WDFY2: variants seen among roughly 807,000 people sequenced by gnomAD.
WDFY2 encodes the protein WD repeat and FYVE domain containing 2.
A neutral mutation model predicts 56.4 loss-of-function variants in WDFY2; 36 were observed. That is an observed-to-expected ratio of 0.64 (90% CI 0.49 to 0.84). The LOEUF (loss-of-function observed/expected upper bound fraction) is 0.84, where lower values mean the gene tolerates loss of function less well. Among genes scored for constraint, WDFY2 ranks in the 40% least tolerant of loss-of-function variants. The probability of loss-of-function intolerance (pLI) is 0.00; values close to 1 mark genes in which losing one functional copy is unlikely to be tolerated. For synonymous variants in WDFY2, 176 were observed against 183.7 expected (o/e 0.96, Z 0.34); for missense variants, 444 against 512.2 (o/e 0.87, Z 1.29).
intron 1 of WDFY2, among the ~76,000 whole-genome samples, chr13:51,639,695 G>T (rs1450070920): frequency 6.6e-6 from 1 of 152,060 alleles, no homozygotes; most frequent in African/African-American, 2.4e-5. Context: ...ATGGATATTC[G>T]AAATAATGTA....
intron 3 of WDFY2, among the ~76,000 whole-genome samples, chr13:51,675,754 A>T (rs966237176): frequency 9.2e-5 from 14 of 152,190 alleles, no homozygotes; most frequent in Non-Finnish European, 5.9e-5. Context: ...ATTTGTGAAA[A>T]AAAGCACAGA....
chr13:51,749,591 C>T (rs1219828855), intron 7 of WDFY2, among the ~76,000 whole-genome samples: 1 of 152,092 alleles, frequency 6.6e-6, no homozygotes, highest in Admixed American at 6.6e-5. Flanking sequence ...TCCATAGTGA[C>T]ATAAGGCACT....
At chr13:51,659,433 T>C (rs556769312) in intron 1 of WDFY2, among the ~76,000 whole-genome samples, 1 of 152,304 alleles carries the variant, frequency 6.6e-6, no homozygotes, top group South Asian at 2.1e-4. Flanking sequence ...TGGCCTATGA[T>C]CCCCTGGCAG....
chr13:51,602,344 C>T (rs1396436455), intron 1 of WDFY2, among the ~76,000 whole-genome samples: 1 of 152,154 alleles, frequency 6.6e-6, no homozygotes, highest in Admixed American at 6.5e-5. Flanking sequence ...TTGCCTATAG[C>T]ATTCAGTACA....
intron 4 of WDFY2, among the ~76,000 whole-genome samples, chr13:51,717,945 C>A (rs1488540716): frequency 6.6e-6 from 1 of 152,168 alleles, no homozygotes; most frequent in African/African-American, 2.4e-5. Context: ...AAAGGGCCAT[C>A]TTGCTAAGGT....
chr13:51,759,494 T>TTAA (rs1302697897), intron 11 of WDFY2, among the ~76,000 whole-genome samples: 1 of 152,224 alleles, frequency 6.6e-6, no homozygotes, highest in African/African-American at 2.4e-5. Flanking sequence ...CTCTCAGCCA[T>TTAA]TAATAGATTG....
intron 8 of WDFY2, 44 bp downstream of exon 8, chr13:51,751,459 C>T (rs773606204): frequency 1.3e-6 from 2 of 1,531,074 alleles, no homozygotes; most frequent in East Asian, 4.5e-5. Flanking sequence ...GGTTCTGGCC[C>T]TGCCTCCCTT....
chr13:51,710,343 C>G (rs1952183374), intron 4 of WDFY2, among the ~76,000 whole-genome samples: 1 of 152,036 alleles, frequency 6.6e-6, no homozygotes, highest in Non-Finnish European at 1.5e-5. Context: ...ACTGAATGGG[C>G]AAAAACTGGA....
intron 4 of WDFY2, among the ~76,000 whole-genome samples, chr13:51,709,083 A>C (rs1424582341): frequency 6.6e-6 from 1 of 152,204 alleles, no homozygotes; most frequent in Non-Finnish European, 1.5e-5. Context: ...AATTTATTGA[A>C]GATATTAATT....
At position 51,766,634 on chromosome 13, in the gene WDFY2, G is replaced by GC. The variant is rs1289289365; in HGVS notation, c.*6870dup. 2 of 152,176 alleles carry GC rather than the reference G, an allele frequency of 1.3e-5. No homozygotes were observed. Among genetic ancestry groups the GC allele is most frequent in the Non-Finnish European group, 2.9e-5 (2 of 68,044 alleles). 9.4% of individuals were successfully genotyped at this position (152,176 alleles called of 1,614,324 possible). Reference sequence around the variant, plus strand: ...AGGATATTGAAACATCTGTATCCAGGCCCCCAATCAAATGCTGCTGAATAT... The same window carrying GC: ...AGGATATTGAAACATCTGTATCCAGGCCCCCCAATCAAATGCTGCTGAATAT... On this transcript the variant is annotated 3_prime_UTR_variant, in exon 12 of 12. Transcript: ENST00000298125.
intron 1 of WDFY2, among the ~76,000 whole-genome samples, chr13:51,636,574 A>G (rs1056258050): frequency 1.3e-5 from 2 of 152,210 alleles, no homozygotes; most frequent in Admixed American, 6.5e-5. Flanking sequence ...CACAAAGTAT[A>G]TTTACCTAAG....
At chr13:51,734,514 T>C (rs1436114560) in intron 6 of WDFY2, among the ~76,000 whole-genome samples, 1 of 152,210 alleles carries the variant, frequency 6.6e-6, no homozygotes, top group African/African-American at 2.4e-5. Context: ...TTATGAAAAC[T>C]TTTATTTTAA....
chr13:51,701,126 C>T (rs554795359), intron 3 of WDFY2, among the ~76,000 whole-genome samples: 2 of 152,166 alleles, frequency 1.3e-5, no homozygotes, highest in African/African-American at 4.8e-5. Flanking sequence ...TACAACTGTA[C>T]GTTCCATAAT....
chr13:51,737,955 C>T (rs898252801), intron 6 of WDFY2, among the ~76,000 whole-genome samples: 1 of 152,160 alleles, frequency 6.6e-6, no homozygotes, highest in East Asian at 1.9e-4. Flanking sequence ...GTTTGGGGTT[C>T]CCCCTACTTT....
intron 1 of WDFY2, chr13:51,585,978 C>T (rs1163120300): frequency 2.5e-6 from 1 of 398,450 alleles, no homozygotes; most frequent in Non-Finnish European, 4.4e-6. Flanking sequence ...ATGTTCTTGT[C>T]TACATCATGC....
chr13:51,598,375 A>G (rs1233285820), intron 1 of WDFY2: 1 of 152,196 alleles, frequency 6.6e-6, no homozygotes, highest in African/African-American at 2.4e-5. Flanking sequence ...AGATAAAAAT[A>G]CAAATAAATA....
chr13:51,714,068 TA>T (rs1417110919), intron 4 of WDFY2, among the ~76,000 whole-genome samples: 3 of 152,094 alleles, frequency 2.0e-5, no homozygotes, highest in Non-Finnish European at 4.4e-5. Flanking sequence ...TGAATGTACT[TA>T]ATGCCACAGA....
chr13:51,738,978 T>A, intron 6 of WDFY2, 71 bp from the exon 7 acceptor site: 1 of 1,406,360 alleles, frequency 7.1e-7, no homozygotes, highest in Non-Finnish European at 9.4e-7. Flanking sequence ...CTGTCTCCGC[T>A]GCATTCACAT....
intron 4 of WDFY2, among the ~76,000 whole-genome samples, chr13:51,716,938 A>G (rs918232125): frequency 5.3e-5 from 8 of 152,192 alleles, no homozygotes; most frequent in Admixed American, 5.2e-4. Flanking sequence ...AAATCATGTT[A>G]TTATATTAAT....
Sources: allele counts gnomAD v4.1 joint callset (sites outside exome capture counted in the v4.1 genomes callset), GRCh38; gene constraint gnomAD v4.1.1; transcripts MANE v1.5; gene names NCBI Gene and HGNC (gene_info 2026-07-23, HGNC 2026-07-21).